The following PTPRK variants were observed in gnomAD, a reference collection of about 807,000 sequenced individuals.
PTPRK encodes the protein protein tyrosine phosphatase receptor type K.
PTPRK carries 75 observed loss-of-function variants against 178.0 expected under a neutral mutation model. That is an observed-to-expected ratio of 0.42 (90% CI 0.35 to 0.51). PTPRK has a LOEUF of 0.51. Among genes scored for constraint, PTPRK ranks in the 20% least tolerant of loss-of-function variants. The pLI is 0.02. For synonymous variants in PTPRK, 637 were observed against 620.6 expected, an observed-to-expected ratio of 1.03 and a Z score of -0.39; for missense variants, 1,441 against 1,797.8, an observed-to-expected ratio of 0.80 and a Z score of 3.59.
intron 3 of PTPRK, among the ~76,000 whole-genome samples, chr6:128,269,609 C>A (rs1819488056): frequency 6.6e-6 from 1 of 151,966 alleles, no homozygotes; most frequent in Non-Finnish European, 1.5e-5. Flanking sequence ...TTTAATGTCA[C>A]CTTGCAGGGT....
chr6:128,512,438 G>A lies in PTPRK; in HGVS notation c.100+7821C>T, dbSNP rs138400934. On this transcript the variant is annotated intron_variant, in intron 1 of 29. Transcript: ENST00000368226. ...TTTTATTAGTCTCTGCCATAACCAC[G>A]TCATTATGCCAATATTTTCTGAATC... Among the ~76,000 whole-genome samples the A allele has an allele frequency of 3.5e-4, 54 of 152,132 alleles. No homozygotes were observed. In the East Asian group the frequency reaches 4.2e-3, roughly 12 times the overall value.
intron 29 of PTPRK, among the ~76,000 whole-genome samples, chr6:127,971,329 C>A (rs550813587): frequency 1.3e-5 from 2 of 152,242 alleles, no homozygotes; most frequent in African/African-American, 2.4e-5. Flanking sequence ...GGAGAACAGT[C>A]TAAAATGCAT....
chr6:128,508,788 C>CA (rs1170258830), intron 1 of PTPRK, among the ~76,000 whole-genome samples: 5 of 151,744 alleles, frequency 3.3e-5, no homozygotes, highest in East Asian at 1.9e-4. Flanking sequence ...ACTAAAAACA[C>CA]AAAAAAATAG....
At chr6:128,455,922 C>A (rs1339421858) in intron 1 of PTPRK, among the ~76,000 whole-genome samples, 3 of 152,068 alleles carry the variant, frequency 2.0e-5, no homozygotes, top group Admixed American at 2.0e-4. Flanking sequence ...AACACCTAAT[C>A]CAGGGCTGGT....
At chr6:128,267,390 G>C (rs1819127456) in intron 3 of PTPRK, among the ~76,000 whole-genome samples, 1 of 151,994 alleles carries the variant, frequency 6.6e-6, no homozygotes, top group Admixed American at 6.6e-5. Context: ...TATTCCATGG[G>C]GGGAAATATC....
At chr6:128,130,388 A>G (rs897673147) in intron 7 of PTPRK, among the ~76,000 whole-genome samples, 2 of 152,180 alleles carry the variant, frequency 1.3e-5, no homozygotes, top group Admixed American at 1.3e-4. Context: ...AAGCCCTAAA[A>G]AAATACTCCA....
chr6:128,438,607 G>GT (rs1845910323), intron 1 of PTPRK, among the ~76,000 whole-genome samples: 8 of 152,200 alleles, frequency 5.3e-5, no homozygotes, highest in Admixed American at 5.2e-4. Context: ...TCAAAGAGCT[G>GT]TTGTGCACCT....
chr6:128,130,303 C>CT (rs1214033455), intron 7 of PTPRK, among the ~76,000 whole-genome samples: 1 of 152,138 alleles, frequency 6.6e-6, no homozygotes, highest in Non-Finnish European at 1.5e-5. Flanking sequence ...AATAATAACT[C>CT]TTGCAATGAA....
intron 7 of PTPRK, among the ~76,000 whole-genome samples, chr6:128,171,232 A>G (rs1800200210): frequency 6.6e-6 from 1 of 152,006 alleles, no homozygotes; most frequent in South Asian, 2.1e-4. Flanking sequence ...ACCTACTTAC[A>G]CATCAACTAG....
At chr6:128,036,965 C>G (rs1031921251) in intron 13 of PTPRK, among the ~76,000 whole-genome samples, 34 of 152,148 alleles carry the variant, frequency 2.2e-4, no homozygotes, top group African/African-American at 7.5e-4. Context: ...CTCCTGACCT[C>G]AGGTGATTTG....
intron 3 of PTPRK, among the ~76,000 whole-genome samples, chr6:128,280,495 G>A (rs567737842): frequency 1.3e-5 from 2 of 152,286 alleles, no homozygotes; most frequent in South Asian, 2.1e-4. Flanking sequence ...TAACTTGCAT[G>A]ATGCTTTCAG....
chr6:128,422,676 C>CAA (rs750423577), intron 1 of PTPRK, among the ~76,000 whole-genome samples: 522 of 14,714 alleles, frequency 0.035, 160 homozygotes, highest in East Asian at 0.14. Flanking sequence ...TTCACGGACG[C>CAA]AAAAAAAAAA....
chr6:128,331,583 A>G (rs1482334536), intron 2 of PTPRK, among the ~76,000 whole-genome samples: 4 of 152,208 alleles, frequency 2.6e-5, no homozygotes, highest in African/African-American at 4.8e-5. Context: ...CATCAGTGCC[A>G]TCACTTTTTG....
chr6:128,257,009 T>G (rs1817443956), intron 3 of PTPRK, among the ~76,000 whole-genome samples: 1 of 151,464 alleles, frequency 6.6e-6, no homozygotes, highest in African/African-American at 2.4e-5. Flanking sequence ...GGCAGGAGGA[T>G]CACATGAGGT....
chr6:128,324,401 C>G (rs1186879721), intron 2 of PTPRK, among the ~76,000 whole-genome samples: 1 of 151,844 alleles, frequency 6.6e-6, no homozygotes, highest in Non-Finnish European at 1.5e-5. Context: ...ACTATAAAGA[C>G]CATTTAGGAA....
intron 1 of PTPRK, among the ~76,000 whole-genome samples, chr6:128,443,309 TAAG>T (rs1048228741): frequency 9.3e-5 from 14 of 150,324 alleles, no homozygotes; most frequent in African/African-American, 3.4e-4. Context: ...GAGGGAGACG[TAAG>T]AAGGAGATGA....
At chr6:128,334,815 G>C (rs144277101) in intron 2 of PTPRK, among the ~76,000 whole-genome samples, 1 of 152,308 alleles carries the variant, frequency 6.6e-6, no homozygotes, top group African/African-American at 2.4e-5. Flanking sequence ...TTAAGGCCAA[G>C]CGCGGTGGCT....
intron 18 of PTPRK, 168 bp downstream of exon 18, chr6:127,995,294 A>G: frequency 6.2e-7 from 1 of 1,606,180 alleles, no homozygotes; most frequent in South Asian, 1.1e-5. Flanking sequence ...GTCAGGTGTG[A>G]AAGAAAGCAC....
chr6:128,214,128 C>G (rs762522419), intron 6 of PTPRK, among the ~76,000 whole-genome samples: 7 of 152,094 alleles, frequency 4.6e-5, no homozygotes, highest in Non-Finnish European at 1.0e-4. Context: ...CAAAGATGAA[C>G]AAGACAGGCT....
Sources: gnomAD v4.1 joint callset for allele counts (sites outside exome capture counted in the v4.1 genomes callset) on GRCh38, gnomAD v4.1.1 for gene constraint, MANE v1.5 for transcripts, NCBI Gene and HGNC (gene_info 2026-07-23, HGNC 2026-07-21) for gene names.